ARHGAP32: variants seen among roughly 807,000 people sequenced by gnomAD.
The protein encoded by ARHGAP32 is Rho GTPase activating protein 32, also known as rho GTPase-activating protein 32.
In ARHGAP32, 51 loss-of-function variants were observed where a neutral mutation model predicts 186.5. That is an observed-to-expected ratio of 0.27 (90% CI 0.22 to 0.35). The LOEUF is 0.35. Ranked by LOEUF, ARHGAP32 falls within the 10% of genes least tolerant of loss-of-function variation. The pLI is 1.00. For missense variants in ARHGAP32, 2,186 were observed against 2,623.5 expected, an observed-to-expected ratio of 0.83 and a Z score of 3.64; for synonymous variants, 950 against 964.3, an observed-to-expected ratio of 0.99 and a Z score of 0.27.
upstream of ARHGAP32, among the ~76,000 whole-genome samples, chr11:129,192,504 C>T (rs534766570): frequency 6.6e-4 from 101 of 152,280 alleles, no homozygotes; most frequent in African/African-American, 2.3e-3. Flanking sequence ...AATAATGACT[C>T]TTCTCAAAGT....
rs111479047 is a variant in ARHGAP32, at chr11:128,969,920, G to A, written c.5293C>T (p.Arg1765Cys). The A allele has an allele frequency of 1.1e-4, 180 of 1,614,090 alleles. No individual in the cohort carries two copies. The highest frequency in any genetic ancestry group is 1.8e-4 in the East Asian group (8 of 44,900). Residue 1765 changes from arginine (R) to cysteine (C), a missense_variant, in exon 23 of 23, where the codon CGC (arginine) becomes TGC (cysteine). Arg to Cys is a radical substitution (Grantham distance 180, BLOSUM62 -3). This residue lies in a region of ARHGAP32 where 1,502 missense variants were observed against 1,570.0 expected (regional missense o/e 0.96). Transcript: ENST00000682385. This position sits in a 1 kb window ranked among gnomAD's most constrained non-coding sequence, Gnocchi z 4.8. ...SWDLEDMEKY[R>C]MQSIRRESRA... is the part of the protein sequence containing the mutation. ...CTCTCTCTCCGGATGGACTGCATGCGGTATTTTTCCATGTCCTCAAGATCC... is the reference window on the plus strand; with the variant it reads ...CTCTCTCTCCGGATGGACTGCATGCAGTATTTTTCCATGTCCTCAAGATCC...
intron 1 of ARHGAP32, among the ~76,000 whole-genome samples, chr11:129,236,996 A>G (rs1185182665): frequency 6.6e-6 from 1 of 152,194 alleles, no homozygotes; most frequent in Non-Finnish European, 1.5e-5. Flanking sequence ...TCTTGCATCT[A>G]TTGAGATGAT....
intron 1 of ARHGAP32, among the ~76,000 whole-genome samples, chr11:129,264,257 T>C (rs1945362918): frequency 1.3e-5 from 2 of 152,196 alleles, no homozygotes; most frequent in Admixed American, 6.5e-5. Context: ...AAATGGCAAG[T>C]TGTTTCACAG....
intron 9 of ARHGAP32, among the ~76,000 whole-genome samples, chr11:129,063,056 C>T (rs1940565756): frequency 6.6e-6 from 1 of 152,026 alleles, no homozygotes; most frequent in African/African-American, 2.4e-5. Context: ...ATTCTTCAAT[C>T]AAAAGAAATG....
intron 10 of ARHGAP32, among the ~76,000 whole-genome samples, chr11:129,048,826 C>T (rs1472438188): frequency 6.6e-6 from 1 of 152,018 alleles, no homozygotes; most frequent in Non-Finnish European, 1.5e-5. Context: ...TAATACCTTT[C>T]AGCCTTGGAA....
chr11:129,148,027 C>T (rs997445471), intron 2 of ARHGAP32, among the ~76,000 whole-genome samples: 2 of 152,226 alleles, frequency 1.3e-5, no homozygotes, highest in African/African-American at 4.8e-5. Flanking sequence ...CCATCTGAAA[C>T]TTTTAGGAAA....
chr11:129,026,726 G>A (rs1352240416), intron 11 of ARHGAP32, among the ~76,000 whole-genome samples: 2 of 151,194 alleles, frequency 1.3e-5, no homozygotes, highest in East Asian at 1.9e-4. Flanking sequence ...GCTTGAACCC[G>A]GGAGGCAGAG....
At chr11:128,999,862 A>G (rs1946307977) in intron 11 of ARHGAP32, among the ~76,000 whole-genome samples, 1 of 152,004 alleles carries the variant, frequency 6.6e-6, no homozygotes, top group South Asian at 2.1e-4. Flanking sequence ...TAAGGATGTT[A>G]CAGGATTATA....
chr11:129,104,068 T>C (rs1180854905), intron 5 of ARHGAP32, among the ~76,000 whole-genome samples: 1 of 152,066 alleles, frequency 6.6e-6, no homozygotes, highest in Non-Finnish European at 1.5e-5. Flanking sequence ...TTTACCAAGA[T>C]GTTATTCATA....
At chr11:129,132,704 T>C (rs1942839405) in intron 2 of ARHGAP32, among the ~76,000 whole-genome samples, 1 of 152,104 alleles carries the variant, frequency 6.6e-6, no homozygotes, top group Non-Finnish European at 1.5e-5. Flanking sequence ...ACTAGCTATA[T>C]CAAAAACCAG....
intron 1 of ARHGAP32, among the ~76,000 whole-genome samples, chr11:129,182,939 C>T (rs537340967): frequency 6.6e-6 from 1 of 152,162 alleles, no homozygotes; most frequent in East Asian, 1.9e-4. Context: ...TGAGTCACTG[C>T]ACCCGGCCTT....
intron 1 of ARHGAP32, among the ~76,000 whole-genome samples, chr11:129,190,033 G>C (rs1345592249): frequency 6.6e-6 from 1 of 152,192 alleles, no homozygotes. Context: ...TATGTGAATG[G>C]AAATGTAACC....
intron 6 of ARHGAP32, among the ~76,000 whole-genome samples, chr11:129,085,664 A>G (rs1941366013): frequency 6.6e-6 from 1 of 152,116 alleles, no homozygotes; most frequent in African/African-American, 2.4e-5. Flanking sequence ...AAGAAAAGAA[A>G]AACAAAGTTG....
At chr11:129,029,801 C>CTAAAA (rs1555075660) in intron 11 of ARHGAP32, among the ~76,000 whole-genome samples, 1 of 46,946 alleles carries the variant, frequency 2.1e-5, no homozygotes, top group Non-Finnish European at 3.3e-5. Flanking sequence ...GACTCCGTCT[C>CTAAAA]AAAAAAAAAA....
intron 10 of ARHGAP32, among the ~76,000 whole-genome samples, chr11:129,059,589 T>A (rs983140169): frequency 5.6e-5 from 8 of 143,896 alleles, no homozygotes; most frequent in African/African-American, 1.3e-4. Context: ...AACCTCTACC[T>A]CCCGGGTTCA....
chr11:129,213,288 T>A (rs1944604505), intron 1 of ARHGAP32, among the ~76,000 whole-genome samples: 1 of 152,182 alleles, frequency 6.6e-6, no homozygotes, highest in Non-Finnish European at 1.5e-5. Context: ...AATCACTGCT[T>A]CCTGAGTTAA....
At position 129,271,992 on chromosome 11, in the gene ARHGAP32, A is replaced by G. The variant is rs575363304; in HGVS notation, c.-5+7154T>C. Among the ~76,000 whole-genome samples the G allele has an allele frequency of 9.2e-5, 14 of 152,302 alleles. No homozygotes were observed. In the South Asian group the frequency reaches 2.9e-3, roughly 32 times the overall value. On this transcript the variant is annotated intron_variant, in intron 1 of 6. Transcript: ENST00000525234. ...TACTGAAATGGTAAAGACTTGGGGG[A>G]GAGAGAGGAAGAAGTCACTGGCAGG...
At chr11:129,194,934 GTGT>G (rs1429693417), upstream of ARHGAP32, among the ~76,000 whole-genome samples, 1 of 126,380 alleles carries the variant, frequency 7.9e-6, no homozygotes, top group Admixed American at 8.2e-5. Context: ...CTCCTTCAAA[GTGT>G]TGTTTTTTTG....
At chr11:129,132,511 G>A (rs1942835367) in intron 2 of ARHGAP32, among the ~76,000 whole-genome samples, 1 of 151,136 alleles carries the variant, frequency 6.6e-6, no homozygotes, top group East Asian at 1.9e-4. Context: ...AGACCACAGT[G>A]ATCCCCATGA....
Sources: allele counts gnomAD v4.1 joint callset (sites outside exome capture counted in the v4.1 genomes callset), GRCh38; gene constraint gnomAD v4.1.1; regional missense constraint gnomAD v4.1.1; non-coding constraint Gnocchi (gnomAD v3.1); transcripts MANE v1.5; gene names NCBI Gene and HGNC (gene_info 2026-07-23, HGNC 2026-07-21).